FBN2: variants seen among roughly 807,000 people sequenced by gnomAD.
FBN2 encodes fibrillin 2, also known as fibrillin-2.
In FBN2, 105 loss-of-function variants were observed where a neutral mutation model predicts 355.6. The observed-to-expected ratio is 0.30, with a 90% CI of 0.25 to 0.35. The LOEUF (loss-of-function observed/expected upper bound fraction) is 0.35, where lower values mean the gene tolerates loss of function less well. Among genes scored for constraint, FBN2 ranks in the 10% least tolerant of loss-of-function variants. The probability of loss-of-function intolerance (pLI) is 1.00; values close to 1 mark genes in which losing one functional copy is unlikely to be tolerated. For missense variants in FBN2, 3,280 were observed against 3,758.7 expected, an observed-to-expected ratio of 0.87 and a Z score of 3.33; for synonymous variants, 1,350 against 1,301.2, an observed-to-expected ratio of 1.04 and a Z score of -0.81.
chr5:128,434,535 T>A (rs541026060), intron 7 of FBN2, among the ~76,000 whole-genome samples: 1 of 151,048 alleles, frequency 6.6e-6, no homozygotes, highest in South Asian at 2.1e-4. Context: ...TAGAGTAGAC[T>A]AATTTCTTTC....
chr5:128,319,429 T>C (rs1750304883), intron 34 of FBN2, among the ~76,000 whole-genome samples: 2 of 62,646 alleles, frequency 3.2e-5, no homozygotes, highest in South Asian at 1.4e-3. Context: ...AAAAAACAAA[T>C]ACATAATCAT....
chr5:128,390,518 T>C (rs147168087), intron 11 of FBN2, among the ~76,000 whole-genome samples: 71 of 152,336 alleles, frequency 4.7e-4, no homozygotes, highest in African/African-American at 1.7e-3. Context: ...CATTTTCACT[T>C]AAGAATATAA....
At chr5:128,364,765 T>C (rs963765712) in intron 17 of FBN2, 40 bp from the exon 18 acceptor site, 24 of 1,536,962 alleles carry the variant, frequency 1.6e-5, no homozygotes, top group Non-Finnish European at 2.1e-5. Flanking sequence ...TCAACAAACA[T>C]GTTATTGTTT....
Position 128,305,507 on chromosome 5 carries a change from T to C in FBN2, c.5674+4A>G, listed in dbSNP as rs778011355. The C allele has an allele frequency of 6.2e-7, 1 of 1,614,022 alleles. No homozygotes were observed. Among genetic ancestry groups the C allele is most frequent in the Non-Finnish European group, 8.5e-7 (1 of 1,179,948 alleles). The stretch of plus-strand genomic sequence containing the variant: ...GCCAAAGAATGAGTCAGCCTCTTTC[T>C]TACCTACACAGGCCCCATTGGGTGA... On this transcript the variant is annotated splice_donor_region_variant and intron_variant, in intron 44 of 64. Coordinates refer to ENST00000262464, the MANE Select transcript of FBN2 (RefSeq NM_001999.4).
chr5:128,297,499 T>C (rs1250789988), intron 48 of FBN2, among the ~76,000 whole-genome samples: 3 of 152,184 alleles, frequency 2.0e-5, no homozygotes, highest in African/African-American at 7.2e-5. Context: ...ACTCAGGACT[T>C]GCTTTATGAA....
chr5:128,480,725 A>G (rs1384298518), intron 5 of FBN2, among the ~76,000 whole-genome samples: 1 of 152,072 alleles, frequency 6.6e-6, no homozygotes, highest in Non-Finnish European at 1.5e-5. Context: ...ACTCCTTCTC[A>G]AATAAATAAA....
intron 11 of FBN2, among the ~76,000 whole-genome samples, chr5:128,380,406 G>A (rs973672568): frequency 1.3e-5 from 2 of 151,968 alleles, no homozygotes; most frequent in Non-Finnish European, 2.9e-5. Flanking sequence ...GAGAAACCAC[G>A]CATCCACTCC....
intron 8 of FBN2, among the ~76,000 whole-genome samples, chr5:128,406,466 T>C (rs1336087984): frequency 6.6e-6 from 1 of 152,222 alleles, no homozygotes; most frequent in Non-Finnish European, 1.5e-5. Context: ...AACTTCCACC[T>C]GTTCACTTAA....
chr5:128,386,636 A>AT (rs1752373283), intron 11 of FBN2, among the ~76,000 whole-genome samples: 2 of 152,130 alleles, frequency 1.3e-5, no homozygotes, highest in South Asian at 4.1e-4. Context: ...AATAATGTCG[A>AT]TTCTTCCTAT....
Position 128,305,531 on chromosome 5 carries a change from G to A in FBN2, c.5654C>T (p.Ser1885Leu). Reference protein sequence around the residue: ...RCECAAGFKLSPNGACVDRNE... With the variant: ...RCECAAGFKLLPNGACVDRNE... ...CTTACCTACACAGGCCCCATTGGGTGAAAGTTTGAAACCCGCGGCACATTC... is the reference window on the plus strand; with the variant it reads ...CTTACCTACACAGGCCCCATTGGGTAAAAGTTTGAAACCCGCGGCACATTC... Residue 1885 changes from serine (S) to leucine (L), a missense_variant, in exon 44 of 65, where the codon TCA (serine) becomes TTA (leucine). Around this residue, in one of 6 missense-constraint regions of FBN2, gnomAD observed 2,284 missense variants for 2,749.5 expected, o/e 0.83. Coordinates refer to ENST00000262464, the MANE Select transcript of FBN2 (RefSeq NM_001999.4). 6.2e-7 allele frequency: 1 copy of A among 1,614,086 alleles called. No individual in the cohort carries two copies. The highest frequency in any genetic ancestry group is 8.5e-7 in the Non-Finnish European group (1 of 1,179,970).
intron 18 of FBN2, 143 bp downstream of exon 18, chr5:128,364,457 A>AT: frequency 4.7e-6 from 4 of 847,544 alleles, no homozygotes; most frequent in Non-Finnish European, 7.3e-6. Flanking sequence ...TGATTCTGAT[A>AT]TTTTCCTGTC....
intron 7 of FBN2, chr5:128,442,386 G>A (rs376184592): frequency 1.7e-4 from 77 of 456,240 alleles, no homozygotes; most frequent in South Asian, 9.3e-4. Context: ...AAATTCAAAC[G>A]AAAATACTTT....
chr5:128,407,864 GC>G (rs1188029949), intron 8 of FBN2, among the ~76,000 whole-genome samples: 1 of 152,132 alleles, frequency 6.6e-6, no homozygotes, highest in Non-Finnish European at 1.5e-5. Context: ...CATACTAACT[GC>G]CTGGTTTGGG....
chr5:128,417,909 T>A (rs1213804372), intron 7 of FBN2, among the ~76,000 whole-genome samples: 1 of 152,166 alleles, frequency 6.6e-6, no homozygotes, highest in East Asian at 1.9e-4. Flanking sequence ...TGGAGTTAGT[T>A]CTTCTTTATA....
intron 7 of FBN2, among the ~76,000 whole-genome samples, chr5:128,433,386 A>G (rs1201247738): frequency 2.6e-5 from 4 of 152,248 alleles, no homozygotes; most frequent in African/African-American, 9.6e-5. Context: ...CAAACTTGTT[A>G]TAACATTCAA....
At chr5:128,354,775 A>G (rs141474429) in intron 20 of FBN2, among the ~76,000 whole-genome samples, 13 of 152,320 alleles carry the variant, frequency 8.5e-5, no homozygotes, top group Non-Finnish European at 5.9e-5. Flanking sequence ...TGAGATGGAA[A>G]TGTTCCTGGG....
chr5:128,328,907 C>T (rs1750623657), intron 33 of FBN2, 86 bp from the exon 34 acceptor site: 3 of 1,400,672 alleles, frequency 2.1e-6, no homozygotes, highest in Admixed American at 3.4e-5. Flanking sequence ...ATCAGTTTTA[C>T]TGGCTTGACT....
In FBN2 at chr5:128,307,163, G is replaced by A; in HGVS notation, c.5394C>T (p.Thr1798=). The change falls in exon 42 of 65, where the codon ACC becomes ACT. Residue 1798 remains threonine, a synonymous_variant. Coordinates refer to ENST00000262464, the MANE Select transcript of FBN2 (RefSeq NM_001999.4). ...KTICGNIPGF[T]FDIHTGKAVD... ...CAGCTTTTCCTGTGTGAATGTCAAA[G>A]GTGAATCCAGGAATATTTCCACATA... 2 of 1,611,062 alleles carry A rather than the reference G, an allele frequency of 1.2e-6. No homozygotes were observed. The highest frequency in any genetic ancestry group is 1.1e-5 in the South Asian group (1 of 91,012).
At chr5:128,310,193 G>C in intron 39 of FBN2, 85 bp from the exon 40 acceptor site, 1 of 1,193,198 alleles carries the variant, frequency 8.4e-7, no homozygotes, top group Non-Finnish European at 1.2e-6. Context: ...CAAAGCATAG[G>C]TGATTCTCTA....
Sources: gnomAD v4.1 joint callset for allele counts (sites outside exome capture counted in the v4.1 genomes callset) on GRCh38, gnomAD v4.1.1 for gene constraint, gnomAD v4.1.1 regional missense constraint, MANE v1.5 for transcripts, NCBI Gene and HGNC (gene_info 2026-07-23, HGNC 2026-07-21) for gene names.